CACNA2D1: variants seen among roughly 807,000 people sequenced by gnomAD.
The protein encoded by CACNA2D1 is calcium voltage-gated channel auxiliary subunit alpha2delta 1.
Under a neutral mutation model 171.5 loss-of-function variants are expected in CACNA2D1, and 53 were observed. That is an observed-to-expected ratio of 0.31 (90% CI 0.25 to 0.39). The LOEUF (loss-of-function observed/expected upper bound fraction) is 0.39, where lower values mean the gene tolerates loss of function less well. CACNA2D1 is among the 10% of genes least tolerant of loss of function. The pLI is 1.00. For synonymous variants in CACNA2D1, 442 were observed against 443.1 expected, an observed-to-expected ratio of 1.00 and a Z score of 0.03; for missense variants, 903 against 1,299.8, an observed-to-expected ratio of 0.69 and a Z score of 4.69.
At chr7:82,293,329 T>C (rs1392036077) in intron 3 of CACNA2D1, among the ~76,000 whole-genome samples, 1 of 152,204 alleles carries the variant, frequency 6.6e-6, no homozygotes. Flanking sequence ...TTTGACTTTC[T>C]CATTAAGTTC....
At chr7:82,435,320 A>G (rs1830032002) in intron 1 of CACNA2D1, among the ~76,000 whole-genome samples, 1 of 152,030 alleles carries the variant, frequency 6.6e-6, no homozygotes, top group Non-Finnish European at 1.5e-5. Flanking sequence ...TACAGGTGTG[A>G]GCCACCATGC....
chr7:82,089,579 T>A (rs543002007), intron 6 of CACNA2D1, among the ~76,000 whole-genome samples: 9 of 152,320 alleles, frequency 5.9e-5, no homozygotes, highest in African/African-American at 2.2e-4. Flanking sequence ...TTACTTAGTT[T>A]TAAAAAACTG....
intron 1 of CACNA2D1, among the ~76,000 whole-genome samples, 172 bp downstream of exon 1, chr7:82,443,193 C>T (rs1471657884): frequency 6.6e-6 from 1 of 151,890 alleles, no homozygotes; most frequent in Non-Finnish European, 1.5e-5. Context: ...CGCATTCCAG[C>T]GGCGAGCGGC....
chr7:82,147,099 A>G (rs1299813174), intron 4 of CACNA2D1, among the ~76,000 whole-genome samples: 1 of 151,808 alleles, frequency 6.6e-6, no homozygotes, highest in African/African-American at 2.4e-5. Context: ...CAGTCAAAAA[A>G]AAAGTGTAGA....
intron 5 of CACNA2D1, among the ~76,000 whole-genome samples, chr7:82,118,036 T>A (rs1329520301): frequency 6.6e-6 from 1 of 152,126 alleles, no homozygotes; most frequent in African/African-American, 2.4e-5. Context: ...ATTTTTGTTT[T>A]AAAAAAGAAA....
intron 4 of CACNA2D1, among the ~76,000 whole-genome samples, chr7:82,166,258 C>T (rs17246544): frequency 0.38 from 57,594 of 151,726 alleles, 11,105 homozygotes; most frequent in Middle Eastern, 0.46. Flanking sequence ...ATTAGCCTGA[C>T]GGACACTCAA....
At chr7:82,102,130 C>G (rs258671) in intron 6 of CACNA2D1, among the ~76,000 whole-genome samples, 1 of 151,276 alleles carries the variant, frequency 6.6e-6, no homozygotes, top group Non-Finnish European at 1.5e-5. Flanking sequence ...AAAATCGGGA[C>G]TAAAGAGAAA....
At position 82,339,628 on chromosome 7, in the gene CACNA2D1, G is replaced by A. The variant is rs183890029; in HGVS notation, c.178-4377C>T. 3.2e-3 allele frequency among the ~76,000 whole-genome samples: 484 copies of A among 152,252 alleles called. 2 individuals carry two copies. The highest frequency in any genetic ancestry group is 4.5e-3 in the Non-Finnish European group (305 of 68,014). ...AAAGACCTGTATAAATAAAGATAAC[G>A]CACTGAGCCAATCAGATGCTCTCAC... On this transcript the variant is annotated intron_variant, in intron 2 of 38. Coordinates refer to ENST00000356860, the MANE Select transcript of CACNA2D1 (RefSeq NM_000722.4).
chr7:81,955,426 G>A (rs1249638528), intron 38 of CACNA2D1, among the ~76,000 whole-genome samples: 2 of 151,948 alleles, frequency 1.3e-5, no homozygotes, highest in Non-Finnish European at 2.9e-5. Context: ...AATTGTTTCA[G>A]AGAAAATAAT....
chr7:82,381,450 G>T (rs527342719), intron 1 of CACNA2D1, among the ~76,000 whole-genome samples: 4 of 151,822 alleles, frequency 2.6e-5, no homozygotes, highest in African/African-American at 9.7e-5. Context: ...CGATATTTAT[G>T]AAAGACAGTT....
At chr7:82,166,268 A>G (rs922562564) in intron 4 of CACNA2D1, among the ~76,000 whole-genome samples, 1 of 152,016 alleles carries the variant, frequency 6.6e-6, no homozygotes, top group African/African-American at 2.4e-5. Context: ...CGGACACTCA[A>G]TAACGTACAA....
At chr7:82,298,662 A>AAACAGGCAC (rs1812594749) in intron 3 of CACNA2D1, among the ~76,000 whole-genome samples, 1 of 151,948 alleles carries the variant, frequency 6.6e-6, no homozygotes, top group Non-Finnish European at 1.5e-5. Flanking sequence ...TTCAGCCTCT[A>AAACAGGCAC]ACTCCTAGGC....
chr7:82,278,838 G>A (rs538520347), intron 3 of CACNA2D1, among the ~76,000 whole-genome samples: 1 of 152,238 alleles, frequency 6.6e-6, no homozygotes, highest in Non-Finnish European at 1.5e-5. Context: ...CAGATACAGA[G>A]GGGTAAGACT....
Position 82,350,848 on chromosome 7 carries a change from C to T in CACNA2D1, c.96-1199G>A, listed in dbSNP as rs1470866098. On this transcript the variant is annotated intron_variant, in intron 1 of 38. Coordinates refer to ENST00000356860, the MANE Select transcript of CACNA2D1 (RefSeq NM_000722.4). ...TAGTTTTGATCATTACAATTATGAT[C>T]GAAGGATTGATCTTTTTCAGGTATG... Among the ~76,000 whole-genome samples, 5 of 152,096 alleles carry T rather than the reference C, an allele frequency of 3.3e-5. No individual in the cohort carries two copies. In the East Asian group the frequency reaches 5.8e-4, roughly 18 times the overall value.
chr7:82,388,179 A>C (rs1211020649), intron 1 of CACNA2D1, among the ~76,000 whole-genome samples: 1 of 152,206 alleles, frequency 6.6e-6, no homozygotes, highest in Non-Finnish European at 1.5e-5. Flanking sequence ...TTATATAAAA[A>C]CAGGAAAGAA....
At position 81,965,684 on chromosome 7, in the gene CACNA2D1, C is replaced by G. The variant is rs767195311; in HGVS notation, c.2503-19G>C. On this transcript the variant is annotated intron_variant, in intron 31 of 38. Transcript: ENST00000356860. The stretch of plus-strand genomic sequence containing the variant: ...CCATTACCTATCAAAATAAAGTGAA[C>G]AGTTAACACATTTTTAGAAAGGTTA... 1.2e-5 allele frequency: 18 copies of G among 1,469,470 alleles called. No individual in the cohort carries two copies. Among genetic ancestry groups the G allele is most frequent in the African/African-American group, 5.6e-5 (4 of 71,996 alleles). The allele number at this position is 1,469,470 out of a possible 1,614,324, so 91.0% of individuals were successfully genotyped here.
intron 3 of CACNA2D1, among the ~76,000 whole-genome samples, chr7:82,265,631 C>A (rs542623350): frequency 1.3e-5 from 2 of 152,032 alleles, no homozygotes; most frequent in East Asian, 3.9e-4. Context: ...TTACAGCAAA[C>A]CCCTGTGAAA....
At chr7:82,274,439 G>C (rs1809052417) in intron 3 of CACNA2D1, among the ~76,000 whole-genome samples, 2 of 152,092 alleles carry the variant, frequency 1.3e-5, no homozygotes, top group African/African-American at 2.4e-5. Context: ...CCTAGAAATA[G>C]CAAAAATTCA....
chr7:82,345,960 T>C (rs914844508), intron 2 of CACNA2D1, among the ~76,000 whole-genome samples: 1 of 152,160 alleles, frequency 6.6e-6, no homozygotes, highest in Non-Finnish European at 1.5e-5. Context: ...GACAGAATTT[T>C]AGTGGGGCAC....
Sources: allele counts gnomAD v4.1 joint callset (sites outside exome capture counted in the v4.1 genomes callset), GRCh38; gene constraint gnomAD v4.1.1; transcripts MANE v1.5; gene names NCBI Gene and HGNC (gene_info 2026-07-23, HGNC 2026-07-21).